Variants in CREG2 observed in about 807,000 individuals in gnomAD.
CREG2 encodes protein CREG2.
CREG2 carries 24 observed loss-of-function variants against 26.2 expected under a neutral mutation model. The ratio of observed to expected loss-of-function variants is 0.92; its 90% CI spans 0.66 to 1.29. CREG2 has a LOEUF of 1.29. Ranked by LOEUF, CREG2 falls within the 50% of genes most tolerant of loss-of-function variation. The pLI is 0.00. For missense variants in CREG2, 366 were observed against 398.6 expected, an observed-to-expected ratio of 0.92 and a Z score of 0.70; for synonymous variants, 174 against 169.2, an observed-to-expected ratio of 1.03 and a Z score of -0.22.
intron 2 of CREG2, among the ~76,000 whole-genome samples, chr2:101,377,470 A>G (rs1245052180): frequency 1.3e-5 from 2 of 152,166 alleles, no homozygotes; most frequent in Non-Finnish European, 2.9e-5. Flanking sequence ...CATGCTCTGT[A>G]AGGGAAGATA....
At chr2:101,351,188 G>A in intron 3 of CREG2, 118 bp from the exon 4 acceptor site, 1 of 968,970 alleles carries the variant, frequency 1.0e-6, no homozygotes, top group Non-Finnish European at 1.5e-6. Flanking sequence ...GCTCACATCA[G>A]CCAGAGGCAG....
At chr2:101,368,227 G>T (rs1684648845) in intron 2 of CREG2, among the ~76,000 whole-genome samples, 1 of 151,272 alleles carries the variant, frequency 6.6e-6, no homozygotes, top group Non-Finnish European at 1.5e-5. Context: ...GGCGGAGCTT[G>T]CAGTGAGCCG....
At position 101,387,452 on chromosome 2, in the gene CREG2, G is replaced by T; in HGVS notation, c.6C>A (p.Ser2=). The T allele has an allele frequency of 1.7e-6, 2 of 1,191,410 alleles. No individual in the cohort carries two copies. The highest frequency in any genetic ancestry group is 3.3e-5 in the East Asian group (1 of 30,044). 73.8% of individuals were successfully genotyped at this position (1,191,410 alleles called of 1,614,324 possible). The change falls in exon 1 of 4, where the codon TCC becomes TCA. Residue 2 remains serine, a synonymous_variant. Transcript: ENST00000324768. This position sits in a 1 kb window ranked among gnomAD's most constrained non-coding sequence, Gnocchi z 4.7. The part of the protein sequence containing the change: M[S]VRRGRRPARP... ...GCGCCGGCCGCCGGCCGCGGCGCACGGACATCTTGCAGGCAGCACGCCCGG... is the reference window on the plus strand; with the variant it reads ...GCGCCGGCCGCCGGCCGCGGCGCACTGACATCTTGCAGGCAGCACGCCCGG...
chr2:101,381,293 CT>C, intron 2 of CREG2, among the ~76,000 whole-genome samples: 1 of 152,246 alleles, frequency 6.6e-6, no homozygotes, highest in Admixed American at 6.5e-5. Flanking sequence ...TCCAGTGGCC[CT>C]AGGAACCCCT....
At chr2:101,374,436 C>A (rs189425778) in intron 2 of CREG2, among the ~76,000 whole-genome samples, 3 of 152,170 alleles carry the variant, frequency 2.0e-5, no homozygotes, top group Non-Finnish European at 4.4e-5. Context: ...CAGGAAGGTG[C>A]AGCAAAGAAG....
chr2:101,357,040 C>G (rs1684472666), intron 2 of CREG2, among the ~76,000 whole-genome samples: 1 of 152,136 alleles, frequency 6.6e-6, no homozygotes, highest in African/African-American at 2.4e-5. Flanking sequence ...CAGGAATGCA[C>G]CACACGCCCG....
chr2:101,385,680 G>A (rs1046926431), intron 1 of CREG2, among the ~76,000 whole-genome samples: 4 of 152,162 alleles, frequency 2.6e-5, no homozygotes, highest in East Asian at 1.9e-4. Flanking sequence ...AACATGAAAC[G>A]TTAAGGAATC....
intron 3 of CREG2, among the ~76,000 whole-genome samples, chr2:101,351,330 A>G (rs1684378420): frequency 6.6e-6 from 1 of 152,100 alleles, no homozygotes; most frequent in African/African-American, 2.4e-5. Context: ...ACTGCTGATG[A>G]GCTGTGACGC....
intron 2 of CREG2, among the ~76,000 whole-genome samples, chr2:101,359,285 G>T (rs1406785583): frequency 6.6e-6 from 1 of 152,210 alleles, no homozygotes; most frequent in Non-Finnish European, 1.5e-5. Flanking sequence ...CTTGGGGTGG[G>T]CTGTCTGCAT....
chr2:101,378,439 C>T (rs1218569751), intron 2 of CREG2, among the ~76,000 whole-genome samples: 1 of 152,224 alleles, frequency 6.6e-6, no homozygotes, highest in African/African-American at 2.4e-5. Flanking sequence ...GCCAATAATA[C>T]GTCCCTCTCA....
At chr2:101,351,787 C>A (rs1684384640) in intron 3 of CREG2, among the ~76,000 whole-genome samples, 1 of 152,076 alleles carries the variant, frequency 6.6e-6, no homozygotes, top group African/African-American at 2.4e-5. Flanking sequence ...TCCTTTATAT[C>A]TAAAAAATGT....
intron 2 of CREG2, among the ~76,000 whole-genome samples, chr2:101,373,693 C>T (rs138528775): frequency 6.6e-6 from 1 of 152,174 alleles, no homozygotes; most frequent in East Asian, 1.9e-4. Context: ...AGACAGGAAC[C>T]ACAGAGACAA....
At chr2:101,358,609 T>C (rs963665701) in intron 2 of CREG2, among the ~76,000 whole-genome samples, 4 of 152,178 alleles carry the variant, frequency 2.6e-5, no homozygotes, top group Non-Finnish European at 5.9e-5. Context: ...ATAGATGAGA[T>C]AGAGCTATAG....
intron 1 of CREG2, among the ~76,000 whole-genome samples, chr2:101,386,619 A>T (rs1684970061): frequency 6.6e-6 from 1 of 151,880 alleles, no homozygotes; most frequent in Admixed American, 6.6e-5. Flanking sequence ...TGGGGAGTTC[A>T]GGTCTATGGG....
chr2:101,377,547 A>G (rs1188292474), intron 2 of CREG2, among the ~76,000 whole-genome samples: 1 of 152,218 alleles, frequency 6.6e-6, no homozygotes, highest in African/African-American at 2.4e-5. Flanking sequence ...ATTTTCACAA[A>G]GTAGATTTCT....
chr2:101,351,171 G>C lies in CREG2; in HGVS notation c.726-101C>G, dbSNP rs1684376080. ...CCAGAGTCCAGGCCTCATTTGGGCT[G>C]ACAGCTGCTCACATCAGCCAGAGGC... On this transcript the variant is annotated intron_variant, in intron 3 of 3. Coordinates refer to ENST00000324768, the MANE Select transcript of CREG2 (RefSeq NM_153836.4). 5.9e-6 allele frequency: 7 copies of C among 1,189,706 alleles called. No homozygotes were observed. The South Asian group carries it at 1.1e-4, about 19-fold the overall frequency. 73.7% of individuals were successfully genotyped at this position (1,189,706 alleles called of 1,614,324 possible).
At chr2:101,384,520 T>C (rs1255265893) in intron 1 of CREG2, among the ~76,000 whole-genome samples, 3 of 152,156 alleles carry the variant, frequency 2.0e-5, no homozygotes, top group Non-Finnish European at 4.4e-5. Flanking sequence ...GGTGCCCTCC[T>C]TGAGGTACTG....
chr2:101,377,124 A>G (rs1684804602), intron 2 of CREG2, among the ~76,000 whole-genome samples: 1 of 152,220 alleles, frequency 6.6e-6, no homozygotes, highest in South Asian at 2.1e-4. Flanking sequence ...CCACAAATAT[A>G]AAACTCTAAG....
In CREG2 at chr2:101,350,878, G is replaced by T. The variant is rs1391075186; in HGVS notation, c.*45C>A. On this transcript the variant is annotated 3_prime_UTR_variant, in exon 4 of 4. Transcript: ENST00000324768. ...AGCTGTCTGGCTGCATCACTGAAAA[G>T]GTTTTCATTTAAGTGCAAACACCAA... The T allele has an allele frequency of 3.7e-6, 6 of 1,603,358 alleles. No homozygotes were observed. The highest frequency in any genetic ancestry group is 1.1e-5 in the South Asian group (1 of 90,284).
Sources: allele counts gnomAD v4.1 joint callset (sites outside exome capture counted in the v4.1 genomes callset), GRCh38; gene constraint gnomAD v4.1.1; non-coding constraint Gnocchi (gnomAD v3.1); transcripts MANE v1.5; gene names NCBI Gene and HGNC (gene_info 2026-07-23, HGNC 2026-07-21).